The following RPGRIP1 variants were observed in gnomAD, a reference collection of about 807,000 sequenced individuals.
RPGRIP1 encodes the protein X-linked retinitis pigmentosa GTPase regulator-interacting protein 1.
In RPGRIP1, 128 loss-of-function variants were observed where a neutral mutation model predicts 157.9. The ratio of observed to expected loss-of-function variants is 0.81; its 90% CI spans 0.70 to 0.94. The LOEUF is 0.94. Among genes scored for constraint, RPGRIP1 ranks in the 40% least tolerant of loss-of-function variants. The probability of loss-of-function intolerance (pLI) is 0.00; values close to 1 mark genes in which losing one functional copy is unlikely to be tolerated. For missense variants in RPGRIP1, 1,486 were observed against 1,545.8 expected (o/e 0.96, Z 0.65); for synonymous variants, 554 against 571.6 (o/e 0.97, Z 0.44).
intron 23 of RPGRIP1, 141 bp downstream of exon 23, chr14:21,345,338 G>T (rs1843088531): frequency 1.7e-6 from 1 of 597,424 alleles, no homozygotes; most frequent in Non-Finnish European, 3.0e-6. Context: ...CTATGTACTT[G>T]AGTATAATTT....
At position 21,281,917 on chromosome 14, in the gene RPGRIP1, A is replaced by C. The variant is rs113223806; in HGVS notation, c.-39+1758A>C. ...AGACCAGCCTGGCCAAAATTGTGAAATCTTGTCTCTACTAAAAAATACAAA... is the reference window on the plus strand; with the variant it reads ...AGACCAGCCTGGCCAAAATTGTGAACTCTTGTCTCTACTAAAAAATACAAA... On this transcript the variant is annotated intron_variant, in intron 1 of 24. Coordinates refer to ENST00000400017, the MANE Select transcript of RPGRIP1 (RefSeq NM_020366.4). Among the ~76,000 whole-genome samples the C allele has an allele frequency of 4.5e-3, 686 of 151,872 alleles. 4 individuals are homozygous for C. The highest frequency in any genetic ancestry group is 0.016 in the African/African-American group (661 of 41,420).
intron 22 of RPGRIP1, 80 bp downstream of exon 22, chr14:21,343,308 T>C: frequency 9.0e-7 from 1 of 1,111,700 alleles, no homozygotes; most frequent in Admixed American, 2.6e-5. Flanking sequence ...TCTGGATTTT[T>C]GTGGGGTGAA....
At position 21,301,701 on chromosome 14, in the gene RPGRIP1, TAATAATAATAATAATAATAATAAA is replaced by T. The variant is rs1260816150; in HGVS notation, c.490+467_490+490del. Among the ~76,000 whole-genome samples, 796 of 114,598 alleles carry T rather than the reference TAATAATAATAATAATAATAATAAA, an allele frequency of 6.9e-3. 13 individuals carry two copies. Among genetic ancestry groups the T allele is most frequent in the African/African-American group, 0.027 (759 of 28,226 alleles). 75.2% of individuals were successfully genotyped at this position (114,598 alleles called of 152,430 possible). A position where few individuals can be genotyped will look rare whatever the true frequency, so the allele number is the denominator to read the frequency against. ...AAAATAATAATAATAATAATAATAA[TAATAATAATAATAATAATAATAAA>T]AAATTAGCCAAGCCTGGTGGCACAT... On this transcript the variant is annotated intron_variant, in intron 4 of 24. Transcript: ENST00000400017.
rs754461580 is a variant in RPGRIP1, at chr14:21,325,280, G to A, written c.2264G>A (p.Arg755His). 26 of 1,613,444 alleles carry A rather than the reference G, an allele frequency of 1.6e-5. No individual in the cohort carries two copies. The highest frequency in any genetic ancestry group is 9.9e-5 in the South Asian group (9 of 90,998). ...GTTCTAGAGTACTGGATGAGGCTGC[G>A]TTTCCCCATAAAACCCAGCCTACAG... ...FGVLEYWMRL[R>H]FPIKPSLQAC... Residue 755 changes from arginine to histidine, a missense_variant, in exon 16 of 25, where the codon CGT becomes CAT. Transcript: ENST00000400017.
intron 3 of RPGRIP1, among the ~76,000 whole-genome samples, chr14:21,297,877 C>CTTTCTTTCTTTCTTTT (rs1555365066): frequency 1.3e-5 from 2 of 150,056 alleles, no homozygotes; most frequent in Non-Finnish European, 3.0e-5. Context: ...TTCTTTCTTT[C>CTTTCTTTCTTTCTTTT]TTTTTTTTGA....
chr14:21,325,003 A>C lies in RPGRIP1; in HGVS notation c.2148A>C (p.Ala716=), dbSNP rs781305621. 4.5e-5 allele frequency: 72 copies of C among 1,613,930 alleles called. No individual in the cohort carries two copies. The highest frequency in any genetic ancestry group is 1.0e-4 in the Admixed American group (6 of 60,008). Residue 716 remains alanine, a synonymous_variant, in exon 15 of 25, where the codon GCA becomes GCC. Transcript: ENST00000400017. Reference sequence around the variant, plus strand: ...CCAGTGAACACAGCACTCTTGCTGCAGGATGGATTTGCTTTGACAGGGTGC... The same window carrying C: ...CCAGTGAACACAGCACTCTTGCTGCCGGATGGATTTGCTTTGACAGGGTGC... The part of the protein sequence containing the change: ...AMASEHSTLA[A]GWICFDRVLE...
At chr14:21,302,862 TGTG>T in intron 5 of RPGRIP1, 1 of 166,004 alleles carries the variant, frequency 6.0e-6, no homozygotes, top group Non-Finnish European at 1.2e-5. Context: ...ATTCCTTTGT[TGTG>T]TTTTTTTTTT....
At chr14:21,320,407 C>T (rs1882287067) in intron 12 of RPGRIP1, among the ~76,000 whole-genome samples, 2 of 150,988 alleles carry the variant, frequency 1.3e-5, no homozygotes, top group Admixed American at 6.6e-5. Flanking sequence ...TCTCCTGCCT[C>T]AGCCTTCCGA....
At chr14:21,313,912 G>A (rs1474889415) in intron 10 of RPGRIP1, among the ~76,000 whole-genome samples, 1 of 150,654 alleles carries the variant, frequency 6.6e-6, no homozygotes, top group Non-Finnish European at 1.5e-5. Flanking sequence ...AAGAGGATTA[G>A]AATAAGGCAA....
intron 16 of RPGRIP1, chr14:21,325,626 C>A: frequency 1.6e-6 from 1 of 631,762 alleles, no homozygotes; most frequent in Non-Finnish European, 2.7e-6. Context: ...GTGCCATTCT[C>A]TAAGTTAAGT....
chr14:21,296,930 C>T (rs570700410), intron 3 of RPGRIP1, among the ~76,000 whole-genome samples: 4 of 142,916 alleles, frequency 2.8e-5, no homozygotes, highest in East Asian at 2.1e-4. Flanking sequence ...CCAGCCTGGG[C>T]GACAAGAGCA....
Position 21,321,413 on chromosome 14 carries a change from A to G in RPGRIP1, c.1611+11A>G. ...AACGTGTGTTATCAGGTGCAAGGAA[A>G]GATGGTACAGGAAGGGGATGGATAA... On this transcript the variant is annotated intron_variant, in intron 13 of 24. Transcript: ENST00000400017. 1 of 1,607,436 alleles carries G rather than the reference A, an allele frequency of 6.2e-7. No homozygotes were observed. The highest frequency in any genetic ancestry group is 1.1e-5 in the South Asian group (1 of 89,862).
intron 17 of RPGRIP1, 114 bp downstream of exon 17, chr14:21,326,287 A>G: frequency 2.9e-6 from 2 of 685,746 alleles, no homozygotes; most frequent in East Asian, 2.7e-5. Flanking sequence ...AAACCTGAAG[A>G]TAAAGGATTT....
intron 12 of RPGRIP1, among the ~76,000 whole-genome samples, chr14:21,320,757 A>G (rs1307889575): frequency 1.3e-5 from 2 of 150,874 alleles, no homozygotes; most frequent in African/African-American, 4.9e-5. Context: ...TTGCCACCAC[A>G]GCCGGCTAAT....
At chr14:21,297,881 T>TTTC (rs1555365068) in intron 3 of RPGRIP1, among the ~76,000 whole-genome samples, 308 of 17,810 alleles carry the variant, frequency 0.017, 1 homozygote, top group African/African-American at 0.032. Context: ...TTCTTTCTTT[T>TTTC]TTTTGAGATA....
chr14:21,298,025 T>A (rs1381935554), intron 3 of RPGRIP1, among the ~76,000 whole-genome samples: 1 of 151,872 alleles, frequency 6.6e-6, no homozygotes, highest in Non-Finnish European at 1.5e-5. Flanking sequence ...GAAGCCATGA[T>A]TGGTAAAGAA....
intron 14 of RPGRIP1, 82 bp from the exon 15 acceptor site, chr14:21,324,536 A>G (rs764899831): frequency 1.7e-6 from 2 of 1,148,776 alleles, no homozygotes; most frequent in South Asian, 2.5e-5. Context: ...CATGTGTTTT[A>G]TATTTCTTTT....
intron 4 of RPGRIP1, among the ~76,000 whole-genome samples, chr14:21,301,711 AATAATAATAAT>A (rs1422220088): frequency 1.3e-4 from 15 of 116,786 alleles, no homozygotes; most frequent in African/African-American, 5.0e-4. Flanking sequence ...TAATAATAAT[AATAATAATAAT>A]AAAAAATTAG....
At chr14:21,338,035 C>T (rs570561234) in intron 21 of RPGRIP1, among the ~76,000 whole-genome samples, 1 of 151,916 alleles carries the variant, frequency 6.6e-6, no homozygotes, top group East Asian at 1.9e-4. Context: ...TCCTGTCTCA[C>T]CCTCCCGAGT....
Sources: gnomAD v4.1 joint callset for allele counts (sites outside exome capture counted in the v4.1 genomes callset) on GRCh38, gnomAD v4.1.1 for gene constraint, MANE v1.5 for transcripts, NCBI Gene and HGNC (gene_info 2026-07-23, HGNC 2026-07-21) for gene names.